The following LSAMP variants were observed in gnomAD, a reference collection of about 807,000 sequenced individuals.
The protein encoded by LSAMP is limbic system-associated membrane protein.
LSAMP carries 7 observed loss-of-function variants against 38.6 expected under a neutral mutation model. That is an observed-to-expected ratio of 0.18 (90% confidence interval 0.10 to 0.34). The LOEUF is 0.34. LSAMP is among the 10% of genes least tolerant of loss of function. The probability of loss-of-function intolerance (pLI) is 1.00; values close to 1 mark genes in which losing one functional copy is unlikely to be tolerated. For synonymous variants in LSAMP, 154 were observed against 166.8 expected, an observed-to-expected ratio of 0.92 and a Z score of 0.59; for missense variants, 313 against 420.0, an observed-to-expected ratio of 0.75 and a Z score of 2.23.
At chr3:115,840,904 C>T (rs2107502404) in intron 6 of LSAMP, among the ~76,000 whole-genome samples, 1 of 151,806 alleles carries the variant, frequency 6.6e-6, no homozygotes, top group Non-Finnish European at 1.5e-5. Context: ...CCCTTTAGTC[C>T]AAATGAACTT....
At chr3:115,892,771 C>G (rs1283719967) in intron 3 of LSAMP, among the ~76,000 whole-genome samples, 1 of 150,370 alleles carries the variant, frequency 6.7e-6, no homozygotes, top group Non-Finnish European at 1.5e-5. Context: ...AAAACTTTAC[C>G]TTCAGGAATA....
At position 116,050,977 on chromosome 3, in the gene LSAMP, A is replaced by G. The variant is rs139716136; in HGVS notation, c.389-31337T>C. ...AATTCCAAGAAAGTGTTAAATAATA[A>G]AAACTAGCACAGAGTACTTGAAATG... On this transcript the variant is annotated intron_variant, in intron 2 of 6. Coordinates refer to ENST00000490035, the MANE Select transcript of LSAMP (RefSeq NM_002338.5). Among the ~76,000 whole-genome samples the G allele has an allele frequency of 2.9e-3, 437 of 152,318 alleles. 5 individuals are homozygous for G. The highest frequency in any genetic ancestry group is 0.01 in the African/African-American group (419 of 41,568).
chr3:115,897,671 G>A (rs1489751081), intron 3 of LSAMP, among the ~76,000 whole-genome samples: 1 of 152,096 alleles, frequency 6.6e-6, no homozygotes, highest in African/African-American at 2.4e-5. Flanking sequence ...CAGCAGCGGT[G>A]GACAAGAAAA....
chr3:116,128,488 G>A (rs1709055315), intron 1 of LSAMP, among the ~76,000 whole-genome samples: 1 of 152,156 alleles, frequency 6.6e-6, no homozygotes, highest in Admixed American at 6.5e-5. Context: ...GAAGTTAGCT[G>A]GGTTTGATCA....
chr3:115,989,911 G>A (rs991954078), intron 3 of LSAMP, among the ~76,000 whole-genome samples: 2 of 151,996 alleles, frequency 1.3e-5, no homozygotes, highest in African/African-American at 4.8e-5. Flanking sequence ...TGATGTTAGA[G>A]GCACCTGACA....
chr3:116,415,996 G>A (rs1250954903), intron 1 of LSAMP, among the ~76,000 whole-genome samples: 1 of 152,046 alleles, frequency 6.6e-6, no homozygotes, highest in Non-Finnish European at 1.5e-5. Flanking sequence ...CATTCACAAA[G>A]GCTTCACTGT....
chr3:115,855,585 G>A (rs973986330), intron 3 of LSAMP, among the ~76,000 whole-genome samples: 1 of 152,128 alleles, frequency 6.6e-6, no homozygotes, highest in African/African-American at 2.4e-5. Flanking sequence ...TCAATAAAGT[G>A]GGAGCAGGCT....
chr3:116,445,290 T>C lies in LSAMP; in HGVS notation c.-259A>G. On this transcript the variant is annotated 5_prime_UTR_variant, in exon 1 of 7. Transcript: ENST00000490035. Reference sequence around the variant, plus strand: ...ACAATTTCAAAAGAGAGAGTGCAAATAGCAAGCCCTCTGGAAGAGCTGAAG... The same window carrying C: ...ACAATTTCAAAAGAGAGAGTGCAAACAGCAAGCCCTCTGGAAGAGCTGAAG... 1 of 582,540 alleles carries C rather than the reference T, an allele frequency of 1.7e-6. No individual in the cohort carries two copies. Among genetic ancestry groups the C allele is most frequent in the Non-Finnish European group, 3.0e-6 (1 of 329,756 alleles). 36.1% of individuals were successfully genotyped at this position (582,540 alleles called of 1,614,324 possible).
At chr3:116,369,564 T>A (rs1170808112) in intron 1 of LSAMP, among the ~76,000 whole-genome samples, 1 of 152,110 alleles carries the variant, frequency 6.6e-6, no homozygotes, top group Non-Finnish European at 1.5e-5. Context: ...CACAGAGATT[T>A]AAAGAAAAGG....
rs538375926 is a variant in LSAMP at position 116,290,075 on chromosome 3, C to T, written c.155+154802G>A. 7.1e-4 allele frequency among the ~76,000 whole-genome samples: 108 copies of T among 152,248 alleles called. 1 individual carries two copies. The highest frequency in any genetic ancestry group is 1.7e-3 in the South Asian group (8 of 4,822). The stretch of plus-strand genomic sequence containing the variant: ...TGATTGATTAGTAAATCATTAATTA[C>T]CCTATTGTGTAGAGCTTTTTGTATC... On this transcript the variant is annotated intron_variant, in intron 1 of 6. Transcript: ENST00000490035.
At chr3:116,265,617 A>G (rs769376645) in intron 1 of LSAMP, among the ~76,000 whole-genome samples, 1 of 152,192 alleles carries the variant, frequency 6.6e-6, no homozygotes, top group African/African-American at 2.4e-5. Flanking sequence ...CTTGTCTCAC[A>G]CTAATGGCGT....
chr3:116,166,506 A>C (rs537211808), intron 1 of LSAMP, among the ~76,000 whole-genome samples: 1 of 152,304 alleles, frequency 6.6e-6, no homozygotes, highest in South Asian at 2.1e-4. Flanking sequence ...CATTGTTATA[A>C]GCAACTGCAG....
intron 1 of LSAMP, among the ~76,000 whole-genome samples, chr3:116,119,644 A>G (rs1451932547): frequency 6.7e-6 from 1 of 149,274 alleles, no homozygotes; most frequent in Non-Finnish European, 1.5e-5. Flanking sequence ...CTAAAGAGAT[A>G]ATTTCTTTTT....
At chr3:116,438,726 T>A (rs556233363) in intron 1 of LSAMP, among the ~76,000 whole-genome samples, 1 of 152,314 alleles carries the variant, frequency 6.6e-6, no homozygotes, top group Admixed American at 6.5e-5. Flanking sequence ...AACAGTTCTG[T>A]ACCTTGTCTA....
At position 115,885,813 on chromosome 3, in the gene LSAMP, C is replaced by T. The variant is rs13066954; in HGVS notation, c.515-33196G>A. On this transcript the variant is annotated intron_variant, in intron 3 of 6. Transcript: ENST00000490035. ...GCTACCAGGATCTGAAACAGTACCA[C>T]GGACAGCTCTCTTAAGGCTGGAGAG... 1.9e-3 allele frequency among the ~76,000 whole-genome samples: 282 copies of T among 151,924 alleles called. 2 individuals carry two copies. The highest frequency in any genetic ancestry group is 3.3e-3 in the African/African-American group (136 of 41,492).
At chr3:116,112,097 T>C (rs954390544) in intron 1 of LSAMP, among the ~76,000 whole-genome samples, 1 of 152,250 alleles carries the variant, frequency 6.6e-6, no homozygotes, top group African/African-American at 2.4e-5. Flanking sequence ...GGGTAAAGCT[T>C]CTTAGCTGAA....
At chr3:115,974,148 C>G (rs1398743168) in intron 3 of LSAMP, among the ~76,000 whole-genome samples, 1 of 151,994 alleles carries the variant, frequency 6.6e-6, no homozygotes, top group South Asian at 2.1e-4. Flanking sequence ...AGCTCCAGAC[C>G]AGCCTGGCCA....
At chr3:116,027,496 T>G (rs1396701233) in intron 2 of LSAMP, among the ~76,000 whole-genome samples, 3 of 152,174 alleles carry the variant, frequency 2.0e-5, no homozygotes, top group Admixed American at 6.6e-5. Context: ...GACTAGCCAG[T>G]CAATTTCTAT....
intron 1 of LSAMP, among the ~76,000 whole-genome samples, chr3:116,316,582 C>A (rs2047631784): frequency 6.6e-6 from 1 of 151,832 alleles, no homozygotes; most frequent in South Asian, 2.1e-4. Context: ...ACCAGCCTGG[C>A]CAACATTATG....
Sources: gnomAD v4.1 joint callset for allele counts (sites outside exome capture counted in the v4.1 genomes callset) on GRCh38, gnomAD v4.1.1 for gene constraint, MANE v1.5 for transcripts, NCBI Gene and HGNC (gene_info 2026-07-23, HGNC 2026-07-21) for gene names.